Variants in ABCB11 observed in about 807,000 individuals in gnomAD.
The protein encoded by ABCB11 is ATP binding cassette subfamily B member 11, also known as bile salt export pump.
In ABCB11, 95 loss-of-function variants were observed where a neutral mutation model predicts 148.0. That is an observed-to-expected ratio of 0.64 (90% CI 0.54 to 0.76). ABCB11 has a LOEUF of 0.76. Among genes scored for constraint, ABCB11 ranks in the 30% least tolerant of loss-of-function variants. The probability of loss-of-function intolerance (pLI) is 0.00; values close to 1 mark genes in which losing one functional copy is unlikely to be tolerated. For synonymous variants in ABCB11, 591 were observed against 555.4 expected, an observed-to-expected ratio of 1.06 and a Z score of -0.90; for missense variants, 1,523 against 1,617.8, an observed-to-expected ratio of 0.94 and a Z score of 1.01.
intron 11 of ABCB11, 62 bp downstream of exon 11, chr2:168,979,804 A>T: frequency 1.0e-6 from 1 of 977,074 alleles, no homozygotes; most frequent in Non-Finnish European, 1.5e-6. Flanking sequence ...TCAGGAGTTC[A>T]TTCTGTGCCC....
At chr2:168,918,104 A>G (rs923426415), downstream of ABCB11, among the ~76,000 whole-genome samples, 2 of 152,164 alleles carry the variant, frequency 1.3e-5, no homozygotes, top group Admixed American at 6.5e-5. Context: ...GGCCCATATT[A>G]TATTTCTGTT....
intron 10 of ABCB11, among the ~76,000 whole-genome samples, chr2:168,985,121 A>G (rs1180756133): frequency 6.6e-6 from 1 of 151,854 alleles, no homozygotes; most frequent in Non-Finnish European, 1.5e-5. Flanking sequence ...AAGATACACA[A>G]ATGGCCAACA....
intron 16 of ABCB11, 126 bp downstream of exon 16, chr2:168,969,224 C>T: frequency 1.2e-6 from 1 of 833,886 alleles, no homozygotes; most frequent in South Asian, 1.9e-5. Context: ...GTTTCCTTTA[C>T]CATCTATATA....
intron 26 of ABCB11, among the ~76,000 whole-genome samples, chr2:168,925,560 A>G (rs1691272650): frequency 6.6e-6 from 1 of 152,236 alleles, no homozygotes; most frequent in Non-Finnish European, 1.5e-5. Flanking sequence ...ACAGGGAGGT[A>G]AGAAAATGGT....
At chr2:168,959,979 ATTCAGGATGCTCATGTATTCTG>A (rs1336226156) in intron 18 of ABCB11, among the ~76,000 whole-genome samples, 1 of 147,436 alleles carries the variant, frequency 6.8e-6, no homozygotes, top group Admixed American at 6.8e-5. Context: ...GAACACTGTG[ATTCAGGATGCTCATGTATTCTG>A]CCAGCATCAT....
Position 169,019,558 on chromosome 2 carries a change from C to T in ABCB11, c.-27-1406G>A, listed in dbSNP as rs141066210. ...AACTTGTGCATAGGAAAAATTGGCT[C>T]TACATATCCACTGGTTTTGCATCCT... On this transcript the variant is annotated intron_variant, in intron 1 of 27. Transcript: ENST00000650372. 1.2e-3 allele frequency among the ~76,000 whole-genome samples: 185 copies of T among 152,264 alleles called. 1 individual carries two copies. Among genetic ancestry groups the T allele is most frequent in the African/African-American group, 4.3e-3 (179 of 41,554 alleles).
chr2:169,029,930 CG>C (rs1695815256), intron 1 of ABCB11, among the ~76,000 whole-genome samples: 1 of 146,066 alleles, frequency 6.8e-6, no homozygotes, highest in African/African-American at 2.6e-5. Context: ...TTAGTAGAGA[CG>C]GGGTTTCACC....
chr2:168,918,255 A>G (rs937460202), downstream of ABCB11, among the ~76,000 whole-genome samples: 1 of 152,218 alleles, frequency 6.6e-6, no homozygotes, highest in Admixed American at 6.5e-5. Context: ...CTTTATGCCA[A>G]GTACCGAGTA....
chr2:168,943,129 G>A (rs1384513166), intron 21 of ABCB11, among the ~76,000 whole-genome samples: 1 of 151,872 alleles, frequency 6.6e-6, no homozygotes, highest in Non-Finnish European at 1.5e-5. Flanking sequence ...CTGAATTCTA[G>A]TGATAGCAAA....
rs1272189885 is a variant in ABCB11, at chr2:169,018,153, C to G, written c.-27-1G>C. Reference sequence around the variant, plus strand: ...TAATTGCAACCCACAGCCAACGACCCTATAAAATAAAATAAAAGAATCATT... The same window carrying G: ...TAATTGCAACCCACAGCCAACGACCGTATAAAATAAAATAAAAGAATCATT... On this transcript the variant is annotated splice_acceptor_variant, in intron 1 of 27. Coordinates refer to ENST00000650372, the MANE Select transcript of ABCB11 (RefSeq NM_003742.4). LOFTEE classifies it low-confidence loss of function (5UTR_SPLICE). The G allele has an allele frequency of 6.2e-7, 1 of 1,607,938 alleles. No homozygotes were observed. The highest frequency in any genetic ancestry group is 1.7e-5 in the Admixed American group (1 of 59,634).
In ABCB11 at chr2:169,022,358, A is replaced by T. The variant is rs72623185; in HGVS notation, c.-27-4206T>A. On this transcript the variant is annotated intron_variant, in intron 1 of 27. Coordinates refer to ENST00000650372, the MANE Select transcript of ABCB11 (RefSeq NM_003742.4). ...CTGTTGAAGAAAAGAGATATAAATC[A>T]CAAATACTAATTGAAAATGGGAAAG... is the stretch of plus-strand genomic sequence containing the variant. Among the ~76,000 whole-genome samples, 2,244 of 152,128 alleles carry T rather than the reference A, an allele frequency of 0.015. 243 individuals carry two copies. The East Asian group carries it at 0.29, about 20-fold the overall frequency.
intron 11 of ABCB11, 147 bp downstream of exon 11, chr2:168,979,719 A>T: frequency 2.8e-6 from 1 of 358,502 alleles, no homozygotes; most frequent in Non-Finnish European, 5.2e-6. Flanking sequence ...CCAGCACATG[A>T]TAGCATTTAA....
At chr2:168,941,352 T>G (rs919297848) in intron 21 of ABCB11, among the ~76,000 whole-genome samples, 2 of 151,834 alleles carry the variant, frequency 1.3e-5, no homozygotes, top group Non-Finnish European at 1.5e-5. Flanking sequence ...TGGGAGGAGG[T>G]CAGAATATCC....
intron 5 of ABCB11, among the ~76,000 whole-genome samples, chr2:169,010,122 A>G (rs1326929926): frequency 1.3e-5 from 2 of 152,170 alleles, no homozygotes; most frequent in Non-Finnish European, 2.9e-5. Context: ...CTTCCAAATT[A>G]CACCAGGGTT....
At chr2:169,008,301 T>G (rs755280490) in intron 5 of ABCB11, among the ~76,000 whole-genome samples, 5 of 152,206 alleles carry the variant, frequency 3.3e-5, no homozygotes, top group Non-Finnish European at 7.4e-5. Flanking sequence ...AATTTCCCCC[T>G]GCTTCTTCCA....
chr2:168,963,743 A>G (rs1031186609), intron 18 of ABCB11, among the ~76,000 whole-genome samples: 7 of 151,838 alleles, frequency 4.6e-5, no homozygotes, highest in African/African-American at 1.4e-4. Flanking sequence ...TATTTTGATA[A>G]CTTGTAATAA....
chr2:168,983,485 T>G (rs984036132), intron 10 of ABCB11, among the ~76,000 whole-genome samples: 3 of 152,170 alleles, frequency 2.0e-5, no homozygotes, highest in African/African-American at 7.2e-5. Flanking sequence ...ATCCATACTA[T>G]CTCTTTAAAG....
At chr2:169,005,052 C>A (rs549265104) in intron 5 of ABCB11, among the ~76,000 whole-genome samples, 1 of 152,170 alleles carries the variant, frequency 6.6e-6, no homozygotes, top group Admixed American at 6.5e-5. Context: ...CTGGTGGAGG[C>A]AGCAGGGGAG....
At chr2:168,964,598 C>CA (rs113545972) in intron 17 of ABCB11, among the ~76,000 whole-genome samples, 1 of 151,618 alleles carries the variant, frequency 6.6e-6, no homozygotes, top group Non-Finnish European at 1.5e-5. Flanking sequence ...ACCAGTTCAT[C>CA]AAAAAACCAC....
Sources: gnomAD v4.1 joint callset for allele counts (sites outside exome capture counted in the v4.1 genomes callset) on GRCh38, gnomAD v4.1.1 for gene constraint, MANE v1.5 for transcripts, NCBI Gene and HGNC (gene_info 2026-07-23, HGNC 2026-07-21) for gene names.